The following IQGAP2 variants were observed in gnomAD, a reference collection of about 807,000 sequenced individuals.
IQGAP2 encodes ras GTPase-activating-like protein IQGAP2.
In IQGAP2, 173 loss-of-function variants were observed where a neutral mutation model predicts 201.3. That is an observed-to-expected ratio of 0.86 (90% confidence interval 0.76 to 0.98). The LOEUF (loss-of-function observed/expected upper bound fraction) is 0.98, where lower values mean the gene tolerates loss of function less well. Ranked by LOEUF, IQGAP2 falls within the 50% of genes least tolerant of loss-of-function variation. The pLI is 0.00. For synonymous variants in IQGAP2, 675 were observed against 673.9 expected, an observed-to-expected ratio of 1.00 and a Z score of -0.03; for missense variants, 1,687 against 1,864.8, an observed-to-expected ratio of 0.90 and a Z score of 1.76.
intron 2 of IQGAP2, among the ~76,000 whole-genome samples, chr5:76,537,808 T>C (rs1759715036): frequency 6.6e-6 from 1 of 152,170 alleles, no homozygotes; most frequent in Admixed American, 6.5e-5. Context: ...AACCAGCATG[T>C]ATTTTGTTTA....
At chr5:76,502,849 C>A (rs1472327145) in intron 2 of IQGAP2, among the ~76,000 whole-genome samples, 1 of 152,054 alleles carries the variant, frequency 6.6e-6, no homozygotes, top group Admixed American at 6.5e-5. Context: ...GATCCTCCCA[C>A]CTCAGCCTCC....
chr5:76,526,183 A>G (rs1758963201), intron 2 of IQGAP2, among the ~76,000 whole-genome samples: 1 of 152,210 alleles, frequency 6.6e-6, no homozygotes, highest in Non-Finnish European at 1.5e-5. Flanking sequence ...AAAAGCGTTG[A>G]TGAGACCTAC....
chr5:76,533,419 AT>A (rs1387336115), intron 2 of IQGAP2, among the ~76,000 whole-genome samples: 30 of 152,252 alleles, frequency 2.0e-4, no homozygotes, highest in African/African-American at 7.2e-4. Flanking sequence ...AAAAAGACAC[AT>A]ATATCTCACC....
chr5:76,609,477 T>C (rs1748084276), intron 12 of IQGAP2, among the ~76,000 whole-genome samples: 1 of 152,222 alleles, frequency 6.6e-6, no homozygotes, highest in African/African-American at 2.4e-5. Context: ...TTAGATGGTT[T>C]CATTCTTCTT....
chr5:76,636,513 G>A (rs1751141240), intron 15 of IQGAP2, among the ~76,000 whole-genome samples: 1 of 152,128 alleles, frequency 6.6e-6, no homozygotes, highest in Admixed American at 6.5e-5. Context: ...GTTGACCTTT[G>A]TGTTGTGCAT....
intron 10 of IQGAP2, among the ~76,000 whole-genome samples, chr5:76,599,200 A>G (rs1284485498): frequency 6.6e-6 from 1 of 152,136 alleles, no homozygotes; most frequent in Admixed American, 6.5e-5. Context: ...TGGGCAACAT[A>G]GGCCTCATCT....
chr5:76,426,357 A>G (rs1751994629), intron 1 of IQGAP2, among the ~76,000 whole-genome samples: 1 of 152,304 alleles, frequency 6.6e-6, no homozygotes, highest in South Asian at 2.1e-4. Flanking sequence ...GCCAGGACTT[A>G]TGGTCACCCT....
At chr5:76,438,103 G>C (rs1485836267) in intron 1 of IQGAP2, among the ~76,000 whole-genome samples, 1 of 144,378 alleles carries the variant, frequency 6.9e-6, no homozygotes, top group Non-Finnish European at 1.5e-5. Context: ...AGCTTTCATA[G>C]AATGAGTTAG....
intron 13 of IQGAP2, among the ~76,000 whole-genome samples, chr5:76,624,801 C>T (rs1750067576): frequency 6.6e-6 from 1 of 152,148 alleles, no homozygotes; most frequent in Non-Finnish European, 1.5e-5. Flanking sequence ...TGGCTGGGCA[C>T]AGTGGCTCAT....
intron 13 of IQGAP2, among the ~76,000 whole-genome samples, chr5:76,621,577 T>G (rs1416946035): frequency 6.6e-6 from 1 of 152,232 alleles, no homozygotes; most frequent in Admixed American, 6.5e-5. Flanking sequence ...AAAAAGCTGT[T>G]AAAACCAAGT....
Position 76,695,835 on chromosome 5 carries a change from C to CTTTTTT in IQGAP2, c.4206+187_4206+192dup, listed in dbSNP as rs56984768. Among the ~76,000 whole-genome samples the CTTTTTT allele has an allele frequency of 4.3e-3, 356 of 83,086 alleles. 6 individuals carry two copies. The highest frequency in any genetic ancestry group is 5.8e-3 in the East Asian group (17 of 2,942). 54.5% of individuals were successfully genotyped at this position (83,086 alleles called of 152,430 possible). ...TTCAAGGTTTCAAAGCAGTTGATGA[C>CTTTTTT]TTTTTTTTTTTTTTTTTTTTTTTGA... On this transcript the variant is annotated intron_variant, in intron 32 of 35. Coordinates refer to ENST00000274364, the MANE Select transcript of IQGAP2 (RefSeq NM_006633.5).
chr5:76,547,349 C>T (rs774185404), intron 2 of IQGAP2: 3 of 605,682 alleles, frequency 5.0e-6, no homozygotes, highest in Non-Finnish European at 6.2e-6. Context: ...ATGGCATTCT[C>T]TTGGTGTTCT....
intron 2 of IQGAP2, among the ~76,000 whole-genome samples, chr5:76,550,926 G>A (rs188573116): frequency 0.15 from 22,108 of 151,192 alleles, 1,766 homozygotes; most frequent in Admixed American, 0.27. Context: ...CACACGGGGC[G>A]GCCAGGCAGA....
chr5:76,668,740 A>G lies in IQGAP2; in HGVS notation c.2739A>G (p.Lys913=), dbSNP rs1189507201. The G allele has an allele frequency of 6.2e-7, 1 of 1,611,810 alleles. No individual in the cohort carries two copies. Among genetic ancestry groups the G allele is most frequent in the Non-Finnish European group, 8.5e-7 (1 of 1,178,680 alleles). Residue 913 remains lysine (K), a synonymous_variant, in exon 23 of 36, where the codon AAA becomes AAG. Coordinates refer to ENST00000274364, the MANE Select transcript of IQGAP2 (RefSeq NM_006633.5). The part of the protein sequence containing the change: ...IFQMPQNKST[K]FMDTVIFTLY... ...AGATGCCACAGAACAAGTCCACTAA[A>G]TTTATGGATACTGTTATTTTCACAC...
intron 28 of IQGAP2, 126 bp from the exon 29 acceptor site, chr5:76,682,989 A>T: frequency 1.9e-6 from 1 of 521,820 alleles, no homozygotes; most frequent in Non-Finnish European, 3.4e-6. Flanking sequence ...TCTAATTTTT[A>T]TAAATGTCAT....
Position 76,534,557 on chromosome 5 carries a change from CAT to C in IQGAP2, c.147-27838_147-27837del, listed in dbSNP as rs1203469531. Among the ~76,000 whole-genome samples, 3 of 152,220 alleles carry C rather than the reference CAT, an allele frequency of 2.0e-5. No homozygotes were observed. The South Asian group carries it at 6.2e-4, about 32-fold the overall frequency. ...TTAATAGTTAAGTCTCTTCAAAGAACATGAGATATTCTTTTTTTAAAGTGAGC... is the reference window on the plus strand; with the variant it reads ...TTAATAGTTAAGTCTCTTCAAAGAACGAGATATTCTTTTTTTAAAGTGAGC... On this transcript the variant is annotated intron_variant, in intron 2 of 35. Transcript: ENST00000274364.
At position 76,505,553 on chromosome 5, in the gene IQGAP2, T is replaced by C. The variant is rs546484086; in HGVS notation, c.146+43884T>C. Among the ~76,000 whole-genome samples the C allele has an allele frequency of 2.0e-5, 3 of 152,314 alleles. No individual in the cohort carries two copies. In the East Asian group the frequency reaches 5.8e-4, roughly 29 times the overall value. On this transcript the variant is annotated intron_variant, in intron 2 of 35. Transcript: ENST00000274364. ...CCGATGCTAATTTCCTTAGGGTCATTTCTTTAAGAAAAAAAAAATCCTCTT... is the reference window on the plus strand; with the variant it reads ...CCGATGCTAATTTCCTTAGGGTCATCTCTTTAAGAAAAAAAAAATCCTCTT...
intron 17 of IQGAP2, among the ~76,000 whole-genome samples, chr5:76,652,226 T>C (rs1490497868): frequency 6.6e-6 from 1 of 152,218 alleles, no homozygotes; most frequent in Admixed American, 6.5e-5. Flanking sequence ...TGGGGATATA[T>C]GAAATGATGG....
intron 22 of IQGAP2, among the ~76,000 whole-genome samples, chr5:76,665,693 A>G (rs912299278): frequency 2.6e-5 from 4 of 152,228 alleles, no homozygotes; most frequent in African/African-American, 9.6e-5. Context: ...TATTATTTTC[A>G]TGGCATTACT....
Sources: gnomAD v4.1 joint callset for allele counts (sites outside exome capture counted in the v4.1 genomes callset) on GRCh38, gnomAD v4.1.1 for gene constraint, MANE v1.5 for transcripts, NCBI Gene and HGNC (gene_info 2026-07-23, HGNC 2026-07-21) for gene names.